The following CHD2 variants were observed in gnomAD, a reference collection of about 807,000 sequenced individuals.
CHD2 encodes the protein ATP-dependent chromatin remodeler CHD2.
A neutral mutation model predicts 243.9 loss-of-function variants in CHD2; 28 were observed. That is an observed-to-expected ratio of 0.11 (90% CI 0.09 to 0.16). The LOEUF is 0.16. Ranked by LOEUF, CHD2 falls within the 10% of genes least tolerant of loss-of-function variation. CHD2 has a pLI of 1.00. For missense variants in CHD2, 1,386 were observed against 2,209.8 expected (o/e 0.63, Z 7.47); for synonymous variants, 775 against 779.0 (o/e 0.99, Z 0.09).
At chr15:92,981,803 A>G (rs944239964) in intron 24 of CHD2, among the ~76,000 whole-genome samples, 1 of 152,230 alleles carries the variant, frequency 6.6e-6, no homozygotes, top group African/African-American at 2.4e-5. Flanking sequence ...GGTCAAAGAT[A>G]GGAAAAGAGT....
At position 93,012,131 on chromosome 15, in the gene CHD2, C is replaced by T. The variant is rs114043537; in HGVS notation, c.4593-214C>T. 5.1e-3 allele frequency among the ~76,000 whole-genome samples: 777 copies of T among 152,166 alleles called. 9 individuals carry two copies. The highest frequency in any genetic ancestry group is 0.018 in the African/African-American group (729 of 41,482). On this transcript the variant is annotated intron_variant, in intron 35 of 38. Transcript: ENST00000394196. ...GAGAAAAAAAATTGATTTTGTTTCC[C>T]TTAAAGTTGCAATTTCCAAGAACCT...
chr15:92,932,038 A>G lies in CHD2; in HGVS notation c.443+2947A>G, dbSNP rs1158726303. 5.3e-5 allele frequency among the ~76,000 whole-genome samples: 8 copies of G among 151,896 alleles called. No homozygotes were observed. In the East Asian group the frequency reaches 1.6e-3, roughly 29 times the overall value. On this transcript the variant is annotated intron_variant, in intron 5 of 38. Coordinates refer to ENST00000394196, the MANE Select transcript of CHD2 (RefSeq NM_001271.4). ...CCACCACGTCCAGCTAATTTTTTCT[A>G]TTTTTAATAGAGACGGGGTTTCACC... is the stretch of plus-strand genomic sequence containing the variant.
intron 20 of CHD2, among the ~76,000 whole-genome samples, chr15:92,976,482 C>T (rs757271324): frequency 3.3e-5 from 5 of 151,592 alleles, no homozygotes; most frequent in African/African-American, 7.3e-5. Context: ...TTACCTAATT[C>T]GGATCATGTT....
In CHD2 at chr15:93,006,195, C is replaced by T. The variant is rs28446631; in HGVS notation, c.4413+1444C>T. On this transcript the variant is annotated intron_variant, in intron 34 of 38. Transcript: ENST00000394196. ...AGGCTGGATTGCAGTGGCTCAATCT[C>T]GGCTCAGTGCAGCCTCTGCCTCTCC... 8.2e-3 allele frequency among the ~76,000 whole-genome samples: 1,185 copies of T among 144,808 alleles called. 15 individuals are homozygous for T. Among genetic ancestry groups the T allele is most frequent in the African/African-American group, 0.026 (1,017 of 38,858 alleles). 95.0% of individuals were successfully genotyped at this position (144,808 alleles called of 152,430 possible). A position where few individuals can be genotyped will look rare whatever the true frequency, so the allele number is the denominator to read the frequency against.
rs150053893 is a variant in CHD2, at chr15:92,979,619, C to T, written c.2876+336C>T. Among the ~76,000 whole-genome samples the T allele has an allele frequency of 8.1e-3, 1,226 of 151,536 alleles. 53 individuals carry two copies. The highest frequency in any genetic ancestry group is 0.069 in the Admixed American group (1,052 of 15,210). On this transcript the variant is annotated intron_variant, in intron 22 of 38. Transcript: ENST00000394196. ...CTTTGACTTTTCTGCAGTGAGAATCCAGATTGGATTGGCAGCTGTTTTTTT... is the reference window on the plus strand; with the variant it reads ...CTTTGACTTTTCTGCAGTGAGAATCTAGATTGGATTGGCAGCTGTTTTTTT...
At chr15:92,984,251 TA>T in intron 24 of CHD2, 78 bp from the exon 25 acceptor site, 1 of 1,134,362 alleles carries the variant, frequency 8.8e-7, no homozygotes. Context: ...TCTACTTAGA[TA>T]AAAACACTGG....
intron 15 of CHD2, 27 bp from the exon 16 acceptor site, chr15:92,956,432 G>A: frequency 6.3e-7 from 1 of 1,590,952 alleles, no homozygotes; most frequent in Non-Finnish European, 8.6e-7. Context: ...TGACCTGGTG[G>A]CTCGTTCTGT....
intron 2 of CHD2, among the ~76,000 whole-genome samples, chr15:92,920,067 C>G (rs545359645): frequency 6.6e-6 from 1 of 152,306 alleles, no homozygotes; most frequent in African/African-American, 2.4e-5. Flanking sequence ...TAACCCATCC[C>G]TAACAGAGTA....
At chr15:92,947,586 C>T (rs1596400618) in intron 12 of CHD2, 1 of 152,140 alleles carries the variant, frequency 6.6e-6, no homozygotes, top group Non-Finnish European at 1.5e-5. Flanking sequence ...CATGTAATAG[C>T]AGTATATAGG....
intron 38 of CHD2, among the ~76,000 whole-genome samples, chr15:93,024,020 T>A (rs1199599790): frequency 6.6e-6 from 1 of 152,166 alleles, no homozygotes; most frequent in East Asian, 1.9e-4. Context: ...TTGATGGTGT[T>A]ATTAATAACT....
intron 13 of CHD2, among the ~76,000 whole-genome samples, chr15:92,951,120 G>T (rs866030729): frequency 2.5e-4 from 38 of 152,106 alleles, no homozygotes; most frequent in African/African-American, 8.7e-4. Flanking sequence ...TACCCATCCA[G>T]AGTCACATGG....
intron 27 of CHD2, among the ~76,000 whole-genome samples, chr15:92,992,275 C>T (rs1017001076): frequency 3.3e-5 from 5 of 152,200 alleles, no homozygotes; most frequent in South Asian, 2.1e-4. Flanking sequence ...CTTTCCAGGA[C>T]TATTGCTGAC....
intron 2 of CHD2, among the ~76,000 whole-genome samples, chr15:92,922,678 T>C: frequency 6.6e-6 from 1 of 152,228 alleles, no homozygotes; most frequent in Middle Eastern, 3.2e-3. Context: ...TTAATGTTAC[T>C]GTAGGTTCTG....
At chr15:92,930,361 C>T (rs1456442810) in intron 5 of CHD2, among the ~76,000 whole-genome samples, 1 of 152,060 alleles carries the variant, frequency 6.6e-6, no homozygotes, top group Non-Finnish European at 1.5e-5. Context: ...GTGCAGAAGC[C>T]AGCGTTTTTT....
chr15:92,992,692 C>T (rs1000359136), intron 27 of CHD2, among the ~76,000 whole-genome samples, 167 bp from the exon 28 acceptor site: 1 of 152,308 alleles, frequency 6.6e-6, no homozygotes, highest in African/African-American at 2.4e-5. Context: ...TGTTAGCCTT[C>T]AGTCAATGTC....
chr15:92,946,302 C>A, intron 12 of CHD2, 86 bp downstream of exon 12: 2 of 1,067,376 alleles, frequency 1.9e-6, no homozygotes, highest in Non-Finnish European at 1.3e-6. Context: ...GAAAATATTA[C>A]AAAATGAAAT....
Position 92,929,092 on chromosome 15 carries a change from G to T in CHD2, c.443+1G>T. ...GAGGCCAGAGGCAGCTGAAAAAACA[G>T]TAAGTCTTTCATGGGGGAAATTATT... is the stretch of plus-strand genomic sequence containing the variant. On this transcript the variant is annotated splice_donor_variant, in intron 5 of 38. Coordinates refer to ENST00000394196, the MANE Select transcript of CHD2 (RefSeq NM_001271.4). LOFTEE classifies it high-confidence loss of function. 6.2e-7 allele frequency: 1 copy of T among 1,603,644 alleles called. No individual in the cohort carries two copies. Among genetic ancestry groups the T allele is most frequent in the Non-Finnish European group, 8.5e-7 (1 of 1,173,802 alleles).
chr15:93,001,611 G>A (rs944845024), intron 32 of CHD2, among the ~76,000 whole-genome samples: 2 of 152,010 alleles, frequency 1.3e-5, no homozygotes, highest in Non-Finnish European at 2.9e-5. Flanking sequence ...CCACCTCCTG[G>A]GTTCAAGTGA....
At chr15:92,961,713 A>T (rs1377867678) in intron 16 of CHD2, among the ~76,000 whole-genome samples, 1 of 152,070 alleles carries the variant, frequency 6.6e-6, no homozygotes, top group East Asian at 1.9e-4. Context: ...TGCCTGGTAG[A>T]TTCTTTTAAG....
Sources: gnomAD v4.1 joint callset for allele counts (sites outside exome capture counted in the v4.1 genomes callset) on GRCh38, gnomAD v4.1.1 for gene constraint, MANE v1.5 for transcripts, NCBI Gene and HGNC (gene_info 2026-07-23, HGNC 2026-07-21) for gene names.